Variants in ADGRL3 observed in about 807,000 individuals in gnomAD.
ADGRL3 encodes the protein adhesion G protein-coupled receptor L3.
A neutral mutation model predicts 153.5 loss-of-function variants in ADGRL3; 62 were observed. The ratio of observed to expected loss-of-function variants is 0.40; its 90% CI spans 0.33 to 0.50. The LOEUF (loss-of-function observed/expected upper bound fraction) is 0.50, where lower values mean the gene tolerates loss of function less well. ADGRL3 is among the 20% of genes least tolerant of loss of function. The pLI is 0.47. For missense variants in ADGRL3, 1,641 were observed against 1,859.4 expected (o/e 0.88, Z 2.16); for synonymous variants, 710 against 672.5 (o/e 1.06, Z -0.86).
chr4:61,838,316 G>A (rs1240512097), intron 9 of ADGRL3, among the ~76,000 whole-genome samples: 1 of 152,008 alleles, frequency 6.6e-6, no homozygotes, highest in Non-Finnish European at 1.5e-5. Context: ...ATTTTAAGAG[G>A]GTGTTTACAG....
intron 1 of ADGRL3, among the ~76,000 whole-genome samples, chr4:61,353,056 C>T (rs749805451): frequency 3.9e-5 from 6 of 152,070 alleles, no homozygotes; most frequent in East Asian, 1.9e-4. Context: ...GCTCAGTTAC[C>T]GTATCTTAGG....
At chr4:61,767,957 A>C (rs2097020131) in intron 8 of ADGRL3, among the ~76,000 whole-genome samples, 1 of 152,040 alleles carries the variant, frequency 6.6e-6, no homozygotes, top group Admixed American at 6.6e-5. Flanking sequence ...TAGTTTTTGG[A>C]GTTTTATTTA....
chr4:61,518,945 C>G lies in ADGRL3; in HGVS notation c.259+1427C>G, dbSNP rs541172078. ...TTCCCAGAATGTGCTTCAGCAGTCA[C>G]AATTATTTCATCATAACTTTGTCTT... On this transcript the variant is annotated intron_variant, in intron 4 of 26. Transcript: ENST00000683033. Among the ~76,000 whole-genome samples, 11 of 152,236 alleles carry G rather than the reference C, an allele frequency of 7.2e-5. No individual in the cohort carries two copies. The East Asian group carries it at 1.9e-3, about 27-fold the overall frequency.
intron 2 of ADGRL3, among the ~76,000 whole-genome samples, chr4:61,411,705 C>A (rs1173140885): frequency 6.6e-6 from 1 of 152,072 alleles, no homozygotes; most frequent in Non-Finnish European, 1.5e-5. Context: ...ATTATGTTTT[C>A]TCCACATTCA....
intron 13 of ADGRL3, among the ~76,000 whole-genome samples, chr4:61,926,286 C>A (rs762096437): frequency 2.6e-5 from 4 of 152,116 alleles, no homozygotes; most frequent in African/African-American, 4.8e-5. Flanking sequence ...AAGTAGGCAA[C>A]CTGAATTTAC....
chr4:61,343,070 C>T (rs2095837954), intron 1 of ADGRL3, among the ~76,000 whole-genome samples: 1 of 152,042 alleles, frequency 6.6e-6, no homozygotes, highest in Non-Finnish European at 1.5e-5. Flanking sequence ...AGACTTGTTC[C>T]CTTACCAGGA....
chr4:61,695,515 T>A (rs1349654707), intron 6 of ADGRL3, among the ~76,000 whole-genome samples: 2 of 152,230 alleles, frequency 1.3e-5, no homozygotes, highest in Admixed American at 1.3e-4. Context: ...CAGGCTTTGT[T>A]ATTCCATCTA....
intron 4 of ADGRL3, among the ~76,000 whole-genome samples, chr4:61,552,658 G>A (rs1221501755): frequency 2.0e-5 from 3 of 151,878 alleles, no homozygotes; most frequent in Non-Finnish European, 4.4e-5. Flanking sequence ...TTGTAGAGAT[G>A]GGGTCTCCCT....
chr4:61,470,583 TA>T, intron 2 of ADGRL3, among the ~76,000 whole-genome samples: 1 of 152,010 alleles, frequency 6.6e-6, no homozygotes, highest in Non-Finnish European at 1.5e-5. Flanking sequence ...ACTTCGAATA[TA>T]AATATATGCT....
At chr4:61,432,810 C>T (rs572049312) in intron 2 of ADGRL3, among the ~76,000 whole-genome samples, 1 of 151,442 alleles carries the variant, frequency 6.6e-6, no homozygotes, top group African/African-American at 2.4e-5. Context: ...TGAGCCACCA[C>T]GCCTGGCTAA....
chr4:61,746,695 C>T (rs1580590151), intron 8 of ADGRL3, among the ~76,000 whole-genome samples: 3 of 152,202 alleles, frequency 2.0e-5, no homozygotes, highest in Non-Finnish European at 2.9e-5. Context: ...ATCTCTGGGA[C>T]ATATTCAAAG....
chr4:61,219,705 G>C (rs964688903), intron 1 of ADGRL3, among the ~76,000 whole-genome samples: 1 of 152,102 alleles, frequency 6.6e-6, no homozygotes, highest in African/African-American at 2.4e-5. Flanking sequence ...TTTTCCCCGT[G>C]TTCTGCCCTC....
Position 61,526,034 on chromosome 4 carries a change from C to T in ADGRL3, c.259+8516C>T, listed in dbSNP as rs78678374. Reference sequence around the variant, plus strand: ...GAGGGACAAGGAGGGATGCTGGGGACGCACTTACCTTTAGAGAAGGAAAAA... The same window carrying T: ...GAGGGACAAGGAGGGATGCTGGGGATGCACTTACCTTTAGAGAAGGAAAAA... On this transcript the variant is annotated intron_variant, in intron 4 of 26. Coordinates refer to ENST00000683033, the MANE Select transcript of ADGRL3 (RefSeq NM_001387552.1). Among the ~76,000 whole-genome samples, 1,673 of 152,082 alleles carry T rather than the reference C, an allele frequency of 0.011. 81 individuals carry two copies. In the East Asian group the frequency reaches 0.17, roughly 15 times the overall value.
At position 61,640,678 on chromosome 4, in the gene ADGRL3, A is replaced by T. The variant is rs541792083; in HGVS notation, c.474-36148A>T. Among the ~76,000 whole-genome samples, 17 of 152,280 alleles carry T rather than the reference A, an allele frequency of 1.1e-4. No homozygotes were observed. The South Asian group carries it at 1.9e-3, about 17-fold the overall frequency. On this transcript the variant is annotated intron_variant, in intron 5 of 26. Coordinates refer to ENST00000683033, the MANE Select transcript of ADGRL3 (RefSeq NM_001387552.1). ...ATAGGAATTTTTGTTTGCATATAAC[A>T]CTTTTTATTAAGAAAACTCTATTGA...
At chr4:61,470,812 C>T (rs1269198902) in intron 2 of ADGRL3, among the ~76,000 whole-genome samples, 2 of 151,736 alleles carry the variant, frequency 1.3e-5, no homozygotes, top group Non-Finnish European at 3.0e-5. Flanking sequence ...AATAATAAAA[C>T]AGTGGTTTTG....
At chr4:62,036,183 A>G (rs1724877079) in intron 23 of ADGRL3, among the ~76,000 whole-genome samples, 1 of 152,186 alleles carries the variant, frequency 6.6e-6, no homozygotes, top group Non-Finnish European at 1.5e-5. Flanking sequence ...TAATTTTGCC[A>G]TACCAGAGCA....
At chr4:61,754,698 C>A (rs2096799608) in intron 8 of ADGRL3, among the ~76,000 whole-genome samples, 1 of 152,032 alleles carries the variant, frequency 6.6e-6, no homozygotes, top group South Asian at 2.1e-4. Flanking sequence ...ATACATGTGC[C>A]ATGTTGGTGC....
chr4:61,422,588 A>G (rs957063940), intron 2 of ADGRL3, among the ~76,000 whole-genome samples: 1 of 152,142 alleles, frequency 6.6e-6, no homozygotes, highest in Non-Finnish European at 1.5e-5. Flanking sequence ...TTGGTCCAAC[A>G]TATCTTCCTA....
At chr4:61,905,103 A>T (rs2098689088) in intron 11 of ADGRL3, among the ~76,000 whole-genome samples, 1 of 152,206 alleles carries the variant, frequency 6.6e-6, no homozygotes, top group Non-Finnish European at 1.5e-5. Context: ...CCTGCAGAAT[A>T]CTATGAATGG....
Sources: allele counts gnomAD v4.1 joint callset (sites outside exome capture counted in the v4.1 genomes callset), GRCh38; gene constraint gnomAD v4.1.1; transcripts MANE v1.5; gene names NCBI Gene and HGNC (gene_info 2026-07-23, HGNC 2026-07-21).